The following ACAD11 variants were observed in gnomAD, a reference collection of about 807,000 sequenced individuals.
ACAD11 encodes the protein acyl-CoA dehydrogenase family member 11, also known as acyl-Coenzyme A dehydrogenase family, member 11.
Under a neutral mutation model 102.2 loss-of-function variants are expected in ACAD11, and 83 were observed. The ratio of observed to expected loss-of-function variants is 0.81; its 90% CI spans 0.68 to 0.97. The LOEUF is 0.97. Among genes scored for constraint, ACAD11 ranks in the 50% least tolerant of loss-of-function variants. The pLI is 0.00. For missense variants in ACAD11, 901 were observed against 951.7 expected (o/e 0.95, Z 0.70); for synonymous variants, 324 against 319.8 (o/e 1.01, Z -0.14).
At chr3:132,605,667 T>C (rs1938807292) in intron 11 of ACAD11, among the ~76,000 whole-genome samples, 1 of 152,228 alleles carries the variant, frequency 6.6e-6, no homozygotes. Flanking sequence ...TCCACATATA[T>C]GCTTGGGCCA....
At chr3:132,611,570 T>C (rs983193061) in intron 11 of ACAD11, among the ~76,000 whole-genome samples, 1 of 152,112 alleles carries the variant, frequency 6.6e-6, no homozygotes, top group Non-Finnish European at 1.5e-5. Context: ...AGCATTCATA[T>C]ACACCAATAA....
chr3:132,612,329 T>A (rs1263055694), intron 11 of ACAD11, among the ~76,000 whole-genome samples: 1 of 151,920 alleles, frequency 6.6e-6, no homozygotes, highest in Non-Finnish European at 1.5e-5. Flanking sequence ...GGACTTCATG[T>A]CTAAAACATC....
In ACAD11 at chr3:132,643,653, T is replaced by C. The variant is rs193120558; in HGVS notation, c.250-851A>G. ...TGGAAGAGGAAAGTAACGAAACCCA[T>C]GTTCAAGGTGAGAGCAGCCAGCAGT... On this transcript the variant is annotated intron_variant, in intron 2 of 19. Transcript: ENST00000264990. Among the ~76,000 whole-genome samples, 574 of 151,724 alleles carry C rather than the reference T, an allele frequency of 3.8e-3. 5 individuals are homozygous for C. The highest frequency in any genetic ancestry group is 4.4e-3 in the Non-Finnish European group (302 of 67,930).
chr3:132,587,927 T>A (rs1257380602), intron 13 of ACAD11, among the ~76,000 whole-genome samples: 2 of 152,090 alleles, frequency 1.3e-5, no homozygotes, highest in African/African-American at 2.4e-5. Flanking sequence ...AAGCTGGAGC[T>A]CCCCTTTTCT....
At chr3:132,583,725 G>T (rs1317027972) in intron 13 of ACAD11, among the ~76,000 whole-genome samples, 1 of 152,018 alleles carries the variant, frequency 6.6e-6, no homozygotes, top group Non-Finnish European at 1.5e-5. Context: ...CTTTGAATGT[G>T]TCCCAGAGAT....
intron 17 of ACAD11, 51 bp downstream of exon 17, chr3:132,575,721 T>A: frequency 6.2e-7 from 1 of 1,604,246 alleles, no homozygotes; most frequent in Non-Finnish European, 8.5e-7. Context: ...TTGTTCAATG[T>A]TAGTGTAGTG....
chr3:132,632,948 T>G (rs1278358601), intron 5 of ACAD11, among the ~76,000 whole-genome samples: 2 of 152,254 alleles, frequency 1.3e-5, no homozygotes, highest in Non-Finnish European at 2.9e-5. Context: ...TTGCTGAAGT[T>G]GCTTATCAGC....
intron 17 of ACAD11, among the ~76,000 whole-genome samples, chr3:132,569,168 T>TAGGACA (rs1424697697): frequency 2.0e-5 from 3 of 152,008 alleles, no homozygotes; most frequent in Non-Finnish European, 4.4e-5. Flanking sequence ...AAAAGTGATC[T>TAGGACA]AGGACATGGA....
chr3:132,613,240 G>T lies in ACAD11; in HGVS notation c.1414+5394C>A, dbSNP rs538504373. ...GGGGACTGTTGTGGGGTGGGGGAAG[G>T]GGGGAGGGATAGCATTAGGAGAGAT... On this transcript the variant is annotated intron_variant, in intron 11 of 19. Coordinates refer to ENST00000264990, the MANE Select transcript of ACAD11 (RefSeq NM_032169.5). 9.2e-5 allele frequency among the ~76,000 whole-genome samples: 14 copies of T among 151,790 alleles called. 1 individual carries two copies. The highest frequency in any genetic ancestry group is 2.1e-4 in the South Asian group (1 of 4,812).
chr3:132,579,882 C>T (rs973638315), intron 13 of ACAD11, among the ~76,000 whole-genome samples: 1 of 152,050 alleles, frequency 6.6e-6, no homozygotes, highest in Admixed American at 6.6e-5. Context: ...TTTTATATGT[C>T]TAATATAATA....
chr3:132,600,460 T>C, intron 13 of ACAD11: 1 of 1,613,106 alleles, frequency 6.2e-7, no homozygotes, highest in Non-Finnish European at 8.5e-7. Context: ...TGAATGGCAC[T>C]TATGACTACA....
chr3:132,611,465 C>A (rs145590337), intron 11 of ACAD11, among the ~76,000 whole-genome samples: 1 of 152,256 alleles, frequency 6.6e-6, no homozygotes, highest in East Asian at 1.9e-4. Context: ...GAGTATATAT[C>A]TAGAAAACCC....
chr3:132,579,018 A>T, intron 14 of ACAD11, 137 bp from the exon 15 acceptor site: 2 of 1,523,232 alleles, frequency 1.3e-6, no homozygotes, highest in Non-Finnish European at 1.8e-6. Context: ...GGAACTGTGT[A>T]AAAGACGTAC....
At chr3:132,577,622 C>G (rs193220658) in intron 15 of ACAD11, among the ~76,000 whole-genome samples, 6 of 152,116 alleles carry the variant, frequency 3.9e-5, no homozygotes, top group Admixed American at 6.6e-5. Flanking sequence ...GCCAGGAACA[C>G]GTTCACATTT....
intron 13 of ACAD11, among the ~76,000 whole-genome samples, chr3:132,602,687 G>A (rs1275208042): frequency 6.6e-6 from 1 of 152,078 alleles, no homozygotes; most frequent in East Asian, 1.9e-4. Flanking sequence ...TACAAAAAAT[G>A]ACATGTTTTC....
chr3:132,656,084 C>T (rs921964982), intron 1 of ACAD11, among the ~76,000 whole-genome samples: 1 of 152,140 alleles, frequency 6.6e-6, no homozygotes, highest in Non-Finnish European at 1.5e-5. Context: ...TTATCATTCC[C>T]TTGAAGTTTA....
chr3:132,579,361 A>G, intron 14 of ACAD11, 131 bp downstream of exon 14: 3 of 756,428 alleles, frequency 4.0e-6, no homozygotes, highest in Non-Finnish European at 6.3e-6. Flanking sequence ...AAATACAAAT[A>G]TATGACATTT....
chr3:132,571,478 T>C (rs1341574035), intron 17 of ACAD11, among the ~76,000 whole-genome samples: 2 of 152,270 alleles, frequency 1.3e-5, no homozygotes, highest in African/African-American at 4.8e-5. Context: ...ATAGTTTCTT[T>C]TGCCGTGCAG....
chr3:132,576,988 A>G lies in ACAD11; in HGVS notation c.1802T>C (p.Ile601Thr). ...TDNFHGGHFE[I>T]HFNQVRVPAT... is the part of the protein sequence containing the mutation. Reference sequence around the variant, plus strand: ...AGGAACTCGCACTTGATTAAAATGGATCTCAAAATGTCCTCCATGAAAATT... The same window carrying G: ...AGGAACTCGCACTTGATTAAAATGGGTCTCAAAATGTCCTCCATGAAAATT... Residue 601 changes from isoleucine to threonine, a missense_variant, in exon 16 of 20, where the codon ATC (isoleucine) becomes ACC (threonine). Transcript: ENST00000264990. 6.2e-7 allele frequency: 1 copy of G among 1,609,950 alleles called. No individual in the cohort carries two copies. Among genetic ancestry groups the G allele is most frequent in the Non-Finnish European group, 8.5e-7 (1 of 1,177,052 alleles).
Sources: allele counts gnomAD v4.1 joint callset (sites outside exome capture counted in the v4.1 genomes callset), GRCh38; gene constraint gnomAD v4.1.1; transcripts MANE v1.5; gene names NCBI Gene and HGNC (gene_info 2026-07-23, HGNC 2026-07-21).